The following PCDHGA11 variants were observed in gnomAD, a reference collection of about 807,000 sequenced individuals.
The protein encoded by PCDHGA11 is protocadherin gamma-A11.
Under a neutral mutation model 60.4 loss-of-function variants are expected in PCDHGA11, and 39 were observed. The observed-to-expected ratio is 0.65, with a 90% CI of 0.50 to 0.84. The LOEUF (loss-of-function observed/expected upper bound fraction) is 0.84, where lower values mean the gene tolerates loss of function less well. Among genes scored for constraint, PCDHGA11 ranks in the 40% least tolerant of loss-of-function variants. PCDHGA11 has a pLI of 0.00. For synonymous variants in PCDHGA11, 533 were observed against 510.3 expected (o/e 1.04, Z -0.60); for missense variants, 1,165 against 1,197.7 (o/e 0.97, Z 0.40).
At position 141,476,011 on chromosome 5, in the gene PCDHGA11, A is replaced by C. The variant is rs1415142555; in HGVS notation, c.2434-18796A>C. On this transcript the variant is annotated intron_variant, in intron 1 of 3. Coordinates refer to ENST00000398587, the MANE Select transcript of PCDHGA11 (RefSeq NM_018914.3). This position sits in a 1 kb window ranked among gnomAD's most constrained non-coding sequence, Gnocchi z 7.6. The stretch of plus-strand genomic sequence containing the variant: ...GCAAATCAACGGCATCCAGAAAGCC[A>C]TGTCGGACTCGGCGCCCAGCGCCCA... 2.3e-6 allele frequency: 3 copies of C among 1,311,164 alleles called. No homozygotes were observed. Among genetic ancestry groups the C allele is most frequent in the African/African-American group, 1.5e-5 (1 of 68,020 alleles). 81.2% of individuals were successfully genotyped at this position (1,311,164 alleles called of 1,614,324 possible).
At chr5:141,484,878 G>C (rs2099602522) in intron 1 of PCDHGA11, 1 of 341,888 alleles carries the variant, frequency 2.9e-6, no homozygotes, top group Non-Finnish European at 5.3e-6. Flanking sequence ...TGGAGGATAG[G>C]GTGGGCTTTT....
rs771804151 is a variant in PCDHGA11, at chr5:141,486,704, A to G, written c.2434-8103A>G. On this transcript the variant is annotated intron_variant, in intron 1 of 3. Coordinates refer to ENST00000398587, the MANE Select transcript of PCDHGA11 (RefSeq NM_018914.3). The surrounding 1 kb of genome is among the most constrained non-coding windows in gnomAD (Gnocchi z 5.0). ...ATCAGCTTCCTCTTTCATCTCTCTG[A>G]ACCCCCAGACAGGAGCTGTTCATGC... 2.2e-5 allele frequency: 35 copies of G among 1,614,016 alleles called. No homozygotes were observed. Among genetic ancestry groups the G allele is most frequent in the Non-Finnish European group, 2.7e-5 (32 of 1,180,032 alleles).
At chr5:141,442,158 A>T (rs966591795) in intron 1 of PCDHGA11, 1 of 157,594 alleles carries the variant, frequency 6.3e-6, no homozygotes, top group African/African-American at 2.4e-5. Context: ...CTCAGCGATC[A>T]CTCTGCAAAG....
At chr5:141,508,815 C>T (rs1190983144) in intron 3 of PCDHGA11, among the ~76,000 whole-genome samples, 1 of 152,138 alleles carries the variant, frequency 6.6e-6, no homozygotes, top group East Asian at 1.9e-4. Context: ...TCTTTGAAGC[C>T]AGATCTGGGC....
chr5:141,498,786 A>T (rs2099785591), intron 2 of PCDHGA11, among the ~76,000 whole-genome samples: 1 of 152,050 alleles, frequency 6.6e-6, no homozygotes, highest in East Asian at 1.9e-4. Context: ...ACAAAATATT[A>T]GCCAGGTGTG....
chr5:141,429,528 A>T (rs1405050386), intron 1 of PCDHGA11, among the ~76,000 whole-genome samples: 1 of 152,166 alleles, frequency 6.6e-6, no homozygotes, highest in African/African-American at 2.4e-5. Context: ...AAAAAAGCTT[A>T]AAAAAATAAG....
chr5:141,422,813 TAGAACTG>T lies in PCDHGA11; in HGVS notation c.1590_1596del (p.Leu531Ter). The T allele has an allele frequency of 6.2e-7, 1 of 1,614,192 alleles. No homozygotes were observed. Among genetic ancestry groups the T allele is most frequent in the Non-Finnish European group, 8.5e-7 (1 of 1,180,050 alleles). On this transcript the variant is annotated frameshift_variant, in exon 1 of 4. Coordinates refer to ENST00000398587, the MANE Select transcript of PCDHGA11 (RefSeq NM_018914.3). LOFTEE classifies it high-confidence loss of function. ...TTCGACTATGAGCAGTTTCGAGACT[TAGAACTG>T]AGAGTGATAGCACGTGACAGCGGGG... is the stretch of plus-strand genomic sequence containing the variant.
At chr5:141,488,478 A>T (rs1251914951) in intron 1 of PCDHGA11, among the ~76,000 whole-genome samples, 5 of 152,072 alleles carry the variant, frequency 3.3e-5, no homozygotes, top group African/African-American at 4.8e-5. Flanking sequence ...ATGTTCCCCT[A>T]CCCAAAAACT....
chr5:141,451,148 G>A (rs536843411), intron 1 of PCDHGA11, among the ~76,000 whole-genome samples: 2 of 152,154 alleles, frequency 1.3e-5, no homozygotes, highest in East Asian at 3.9e-4. Flanking sequence ...ATTTAGACTA[G>A]ACATTTTTTT....
chr5:141,432,663 G>A lies in PCDHGA11; in HGVS notation c.2433+9003G>A. ...CGCACGGCGCGAGCCCTGCTGGACA[G>A]AGACGCGCTCAAGCAGAGCCTCGTA... On this transcript the variant is annotated intron_variant, in intron 1 of 3. Coordinates refer to ENST00000398587, the MANE Select transcript of PCDHGA11 (RefSeq NM_018914.3). This position sits in a 1 kb window ranked among gnomAD's most constrained non-coding sequence, Gnocchi z 6.0. 1 of 1,613,886 alleles carries A rather than the reference G, an allele frequency of 6.2e-7. No individual in the cohort carries two copies. Among genetic ancestry groups the A allele is most frequent in the Non-Finnish European group, 8.5e-7 (1 of 1,179,952 alleles).
At chr5:141,481,560 G>A (rs1594155886) in intron 1 of PCDHGA11, among the ~76,000 whole-genome samples, 1 of 152,212 alleles carries the variant, frequency 6.6e-6, no homozygotes, top group Non-Finnish European at 1.5e-5. Flanking sequence ...GCTCACGCCT[G>A]TAATCCCAGT....
intron 1 of PCDHGA11, chr5:141,478,841 A>G (rs1335486924): frequency 1.4e-5 from 19 of 1,405,590 alleles, no homozygotes; most frequent in Non-Finnish European, 1.8e-5. Flanking sequence ...GGGATGGTTA[A>G]GCTAAAACAC....
At position 141,489,657 on chromosome 5, in the gene PCDHGA11, G is replaced by T. The variant is rs755618175; in HGVS notation, c.2434-5150G>T. 6.2e-7 allele frequency: 1 copy of T among 1,614,198 alleles called. No individual in the cohort carries two copies. Among genetic ancestry groups the T allele is most frequent in the Admixed American group, 1.7e-5 (1 of 60,030 alleles). ...CTAGCTTTGCCACCCCTGAGCGAGA[G>T]ATGCGCATCTCAGAATCAGCAGCAT... On this transcript the variant is annotated intron_variant, in intron 1 of 3. Coordinates refer to ENST00000398587, the MANE Select transcript of PCDHGA11 (RefSeq NM_018914.3). This position sits in a 1 kb window ranked among gnomAD's most constrained non-coding sequence, Gnocchi z 4.5.
intron 1 of PCDHGA11, among the ~76,000 whole-genome samples, chr5:141,461,768 C>T (rs532591390): frequency 1.3e-5 from 2 of 152,016 alleles, no homozygotes; most frequent in African/African-American, 4.8e-5. Context: ...ATTCTCCTGC[C>T]TCAGCCTCCC....
intron 1 of PCDHGA11, among the ~76,000 whole-genome samples, chr5:141,468,130 G>C (rs1312004369): frequency 6.6e-6 from 1 of 151,878 alleles, no homozygotes; most frequent in Admixed American, 6.6e-5. Context: ...TTTGAGACCA[G>C]CCTGGCCAAC....
At position 141,422,488 on chromosome 5, in the gene PCDHGA11, A is replaced by G; in HGVS notation, c.1261A>G (p.Ile421Val). 1 of 1,614,000 alleles carries G rather than the reference A, an allele frequency of 6.2e-7. No homozygotes were observed. The highest frequency in any genetic ancestry group is 8.5e-7 in the Non-Finnish European group (1 of 1,179,878). ...LDRELVQSYN[I>V]TLTATDQGSP... ...CAGGGAGTTGGTCCAGAGCTACAAT[A>G]TAACGTTGACAGCCACAGACCAGGG... The change falls in exon 1 of 4, where the codon ATA becomes GTA. Residue 421 changes from isoleucine (I) to valine (V), a missense_variant. Transcript: ENST00000398587.
intron 1 of PCDHGA11, chr5:141,426,995 C>A (rs772977735): frequency 2.2e-6 from 1 of 456,694 alleles, no homozygotes; most frequent in South Asian, 1.5e-5. Context: ...ACGATAATGC[C>A]CCAGTTTTTA....
intron 1 of PCDHGA11, chr5:141,427,328 T>G (rs951396612): frequency 1.6e-4 from 74 of 457,122 alleles, no homozygotes; most frequent in Admixed American, 1.2e-3. Context: ...TGGTTTTTAC[T>G]TCAGTGTCCA....
At position 141,512,951 on chromosome 5, in the gene PCDHGA11, AATAAT is replaced by A. The variant is rs1231390259; in HGVS notation, c.*1780_*1784del. 2.1e-5 allele frequency: 3 copies of A among 141,994 alleles called. No homozygotes were observed. Among genetic ancestry groups the A allele is most frequent in the Non-Finnish European group, 4.8e-5 (3 of 62,372 alleles). The allele number at this position is 141,994 out of a possible 1,614,324, so 8.8% of individuals were successfully genotyped here. A position where few individuals can be genotyped will look rare whatever the true frequency, so the allele number is the denominator to read the frequency against. On this transcript the variant is annotated 3_prime_UTR_variant, in exon 4 of 4. Coordinates refer to ENST00000398587, the MANE Select transcript of PCDHGA11 (RefSeq NM_018914.3). ...TATGGCTTTTTTTCTTCGACAAAAAAATAATAAAACGTTTCTTCTGAAAAGCTGAA... is the reference window on the plus strand; with the variant it reads ...TATGGCTTTTTTTCTTCGACAAAAAAAAAACGTTTCTTCTGAAAAGCTGAA...
Sources: allele counts gnomAD v4.1 joint callset (sites outside exome capture counted in the v4.1 genomes callset), GRCh38; gene constraint gnomAD v4.1.1; non-coding constraint Gnocchi (gnomAD v3.1); transcripts MANE v1.5; gene names NCBI Gene and HGNC (gene_info 2026-07-23, HGNC 2026-07-21).